The following EHBP1 variants were observed in gnomAD, a reference collection of about 807,000 sequenced individuals.
EHBP1 encodes the protein EH domain-binding protein 1.
EHBP1 carries 55 observed loss-of-function variants against 144.0 expected under a neutral mutation model. The ratio of observed to expected loss-of-function variants is 0.38; its 90% confidence interval spans 0.31 to 0.48. EHBP1 has a LOEUF of 0.48. Among genes scored for constraint, EHBP1 ranks in the 20% least tolerant of loss-of-function variants. The pLI is 0.98. For missense variants in EHBP1, 1,200 were observed against 1,364.2 expected (o/e 0.88, Z 1.90); for synonymous variants, 469 against 472.7 (o/e 0.99, Z 0.10).
intron 3 of EHBP1, among the ~76,000 whole-genome samples, chr2:62,750,666 T>C (rs1204648155): frequency 1.3e-5 from 2 of 152,248 alleles, no homozygotes; most frequent in Non-Finnish European, 2.9e-5. Context: ...CGCTGAGCAG[T>C]GGTTTGTAGT....
At chr2:62,756,071 T>C (rs2152271573) in intron 3 of EHBP1, among the ~76,000 whole-genome samples, 1 of 150,632 alleles carries the variant, frequency 6.6e-6, no homozygotes, top group Non-Finnish European at 1.5e-5. Flanking sequence ...TCCAAGAGTT[T>C]GAGACCGGCA....
chr2:62,788,441 CTGAGTAATACTCATG>C (rs893520822), intron 5 of EHBP1, among the ~76,000 whole-genome samples: 2 of 151,852 alleles, frequency 1.3e-5, no homozygotes, highest in Non-Finnish European at 2.9e-5. Flanking sequence ...ATCTGTCACT[CTGAGTAATACTCATG>C]TTATGGACTT....
At chr2:62,894,389 A>G (rs2052708468) in intron 10 of EHBP1, among the ~76,000 whole-genome samples, 1 of 152,288 alleles carries the variant, frequency 6.6e-6, no homozygotes, top group East Asian at 1.9e-4. Context: ...AGGAATAGGA[A>G]GAGGGAGAGA....
Position 62,706,917 on chromosome 2 carries a change from A to G in EHBP1, c.-275A>G. 1 of 355,038 alleles carries G rather than the reference A, an allele frequency of 2.8e-6. No individual in the cohort carries two copies. The highest frequency in any genetic ancestry group is 5.2e-6 in the Non-Finnish European group (1 of 191,194). The allele number at this position is 355,038 out of a possible 1,614,324, so 22.0% of individuals were successfully genotyped here. ...TTCAGCCCTCCAGAATACCCATCAT[A>G]TAGCCCCTGAGGTGGCATGGTGATG... On this transcript the variant is annotated 5_prime_UTR_variant, in exon 2 of 23. It adds an upstream start codon to the 5' untranslated region. Transcript: ENST00000431489.
intron 21 of EHBP1, among the ~76,000 whole-genome samples, chr2:63,043,594 T>G (rs2061771025): frequency 6.6e-6 from 1 of 152,224 alleles, no homozygotes; most frequent in African/African-American, 2.4e-5. Context: ...ATTTTTAATT[T>G]GTAAATACAA....
At chr2:62,900,678 G>GTATATATATATATATATATA (rs2053330835) in intron 10 of EHBP1, among the ~76,000 whole-genome samples, 2 of 138,394 alleles carry the variant, frequency 1.4e-5, no homozygotes, top group South Asian at 2.1e-4. Context: ...GGGTGTGTGT[G>GTATATATATATATATATATA]TATGTGTATA....
rs201153563 is a variant in EHBP1, at chr2:62,942,700, C to G, written c.1186-18C>G. ...CATTAAATTCTTTTAATGTTTTCCC[C>G]TTTTCATTTTTTTCTAGCCAAGCCC... On this transcript the variant is annotated intron_variant, in intron 10 of 22. Transcript: ENST00000431489. 103 of 1,551,504 alleles carry G rather than the reference C, an allele frequency of 6.6e-5. No homozygotes were observed. The highest frequency in any genetic ancestry group is 2.0e-5 in the Admixed American group (1 of 50,808).
intron 10 of EHBP1, among the ~76,000 whole-genome samples, chr2:62,887,664 C>T (rs1402341085): frequency 1.3e-5 from 2 of 152,054 alleles, no homozygotes; most frequent in African/African-American, 4.8e-5. Context: ...TGCTTGAGCC[C>T]AGGAGCGGAG....
intron 2 of EHBP1, among the ~76,000 whole-genome samples, chr2:62,726,977 C>G (rs2036864490): frequency 6.6e-6 from 1 of 152,136 alleles, no homozygotes; most frequent in Admixed American, 6.6e-5. Context: ...ATTCTCCTGC[C>G]TCAGCCTCCT....
intron 1 of EHBP1, among the ~76,000 whole-genome samples, chr2:62,688,310 G>A (rs939555518): frequency 2.0e-5 from 3 of 152,072 alleles, no homozygotes; most frequent in African/African-American, 7.2e-5. Flanking sequence ...TATTTACTGA[G>A]TATCTTCTAT....
chr2:62,846,985 AT>A (rs2048340160), intron 7 of EHBP1, among the ~76,000 whole-genome samples: 2 of 152,212 alleles, frequency 1.3e-5, no homozygotes, highest in African/African-American at 2.4e-5. Context: ...TTCAAAAGTG[AT>A]TCTAAAGTAT....
chr2:62,717,365 C>T (rs1243154149), intron 2 of EHBP1, among the ~76,000 whole-genome samples: 1 of 151,986 alleles, frequency 6.6e-6, no homozygotes, highest in Non-Finnish European at 1.5e-5. Context: ...TAGGAAATTT[C>T]AACAAAAGAG....
chr2:62,972,646 AAAC>A (rs1194469003), intron 14 of EHBP1, among the ~76,000 whole-genome samples: 2 of 152,196 alleles, frequency 1.3e-5, no homozygotes, highest in Non-Finnish European at 2.9e-5. Context: ...GTGAGAAAAC[AAAC>A]AACACAGATA....
chr2:63,032,261 TAA>T (rs920748022), intron 19 of EHBP1, among the ~76,000 whole-genome samples: 14 of 135,082 alleles, frequency 1.0e-4, no homozygotes, highest in African/African-American at 5.4e-5. Flanking sequence ...TAAAATGATT[TAA>T]AAAAAAAAAA....
chr2:62,760,561 A>T (rs1201607565), intron 3 of EHBP1, among the ~76,000 whole-genome samples: 1 of 152,204 alleles, frequency 6.6e-6, no homozygotes, highest in Non-Finnish European at 1.5e-5. Flanking sequence ...TAGAGGACCA[A>T]GCTTTAGGAT....
chr2:62,995,578 A>G (rs2059597182), intron 18 of EHBP1, among the ~76,000 whole-genome samples: 2 of 152,104 alleles, frequency 1.3e-5, no homozygotes, highest in Admixed American at 6.6e-5. Context: ...AAGGGATTTT[A>G]CAGAAGAAGT....
intron 10 of EHBP1, among the ~76,000 whole-genome samples, chr2:62,936,207 G>A (rs926284561): frequency 1.3e-5 from 2 of 152,020 alleles, no homozygotes; most frequent in Non-Finnish European, 2.9e-5. Flanking sequence ...ATGTTTGGTG[G>A]AACTTATTAG....
At chr2:63,002,393 A>G (rs2059884188) in intron 19 of EHBP1, among the ~76,000 whole-genome samples, 2 of 152,140 alleles carry the variant, frequency 1.3e-5, no homozygotes, top group Admixed American at 1.3e-4. Context: ...TTAAAAGGGA[A>G]AATGTGATCT....
At chr2:62,952,258 C>A (rs2057430337) in intron 13 of EHBP1, among the ~76,000 whole-genome samples, 1 of 152,142 alleles carries the variant, frequency 6.6e-6, no homozygotes, top group Non-Finnish European at 1.5e-5. Context: ...TAGGTGCTGA[C>A]ATTTGGTAGG....
Sources: allele counts gnomAD v4.1 joint callset (sites outside exome capture counted in the v4.1 genomes callset), GRCh38; gene constraint gnomAD v4.1.1; transcripts MANE v1.5; gene names NCBI Gene and HGNC (gene_info 2026-07-23, HGNC 2026-07-21).